Variants in HYDIN observed in about 807,000 individuals in gnomAD.
HYDIN encodes axonemal central pair apparatus protein HYDIN.
Under a neutral mutation model 403.9 loss-of-function variants are expected in HYDIN, and 132 were observed. The observed-to-expected ratio is 0.33, with a 90% confidence interval of 0.28 to 0.38. The LOEUF (loss-of-function observed/expected upper bound fraction) is 0.38, where lower values mean the gene tolerates loss of function less well. HYDIN is among the 10% of genes least tolerant of loss of function. The pLI is 1.00. For synonymous variants in HYDIN, 1,202 were observed against 1,891.7 expected, an observed-to-expected ratio of 0.64 and a Z score of 9.46; for missense variants, 2,827 against 5,009.5, an observed-to-expected ratio of 0.56 and a Z score of 13.15.
In HYDIN at chr16:70,837,676, C is replaced by G; in HGVS notation, c.13242+14G>C. 6.2e-7 allele frequency: 1 copy of G among 1,613,590 alleles called. No individual in the cohort carries two copies. The highest frequency in any genetic ancestry group is 8.5e-7 in the Non-Finnish European group (1 of 1,179,724). On this transcript the variant is annotated intron_variant, in intron 77 of 85. Transcript: ENST00000393567. ...GAGGGTGCCACGCCTGAAGGCCTCC[C>G]GACTGTCTGTTACCTTCATTTTGGT...
intron 79 of HYDIN, 87 bp from the exon 80 acceptor site, chr16:70,833,154 G>A (rs2037134625): frequency 4.1e-6 from 5 of 1,233,968 alleles, no homozygotes; most frequent in East Asian, 2.6e-5. Context: ...AGACTGCCTA[G>A]GCTGAGGTTC....
chr16:70,925,489 C>T (rs1393753577), intron 45 of HYDIN, among the ~76,000 whole-genome samples: 1 of 152,196 alleles, frequency 6.6e-6, no homozygotes, highest in African/African-American at 2.4e-5. Context: ...AAACGTTAGA[C>T]CCAAAACCAT....
intron 1 of HYDIN, among the ~76,000 whole-genome samples, chr16:71,200,907 A>G (rs775423891): frequency 1.3e-5 from 2 of 151,962 alleles, no homozygotes; most frequent in Non-Finnish European, 2.9e-5. Context: ...CATTAACCCA[A>G]TTGGTACACT....
chr16:70,861,447 G>C (rs1316050941), intron 69 of HYDIN, among the ~76,000 whole-genome samples: 1 of 152,104 alleles, frequency 6.6e-6, no homozygotes, highest in Non-Finnish European at 1.5e-5. Flanking sequence ...ACTCCTTCAA[G>C]TTTTCCTGGG....
intron 21 of HYDIN, among the ~76,000 whole-genome samples, chr16:71,024,389 G>A (rs2080612676): frequency 6.6e-6 from 1 of 151,930 alleles, no homozygotes; most frequent in South Asian, 2.1e-4. Context: ...CTCAACTTGA[G>A]GCACTTGCTC....
intron 38 of HYDIN, among the ~76,000 whole-genome samples, chr16:70,961,409 T>G (rs1486663476): frequency 6.6e-6 from 1 of 152,178 alleles, no homozygotes; most frequent in East Asian, 1.9e-4. Context: ...TGATTCCTAT[T>G]CTGGGGGTGG....
chr16:70,866,410 A>G lies in HYDIN; in HGVS notation c.11311-81T>C, dbSNP rs2143636621. The G allele has an allele frequency of 3.0e-6, 3 of 1,003,068 alleles. No homozygotes were observed. In the East Asian group the frequency reaches 7.3e-5, roughly 24 times the overall value. 62.1% of individuals were successfully genotyped at this position (1,003,068 alleles called of 1,614,324 possible). A position where few individuals can be genotyped will look rare whatever the true frequency, so the allele number is the denominator to read the frequency against. On this transcript the variant is annotated intron_variant, in intron 66 of 85. Transcript: ENST00000393567. Reference sequence around the variant, plus strand: ...GACAATGGAATAGAATAGAGAGACCAGAAACATTCTAGGCATATATAAAAT... The same window carrying G: ...GACAATGGAATAGAATAGAGAGACCGGAAACATTCTAGGCATATATAAAAT...
intron 7 of HYDIN, among the ~76,000 whole-genome samples, chr16:71,141,329 G>A (rs563320701): frequency 6.7e-6 from 1 of 150,122 alleles, no homozygotes; most frequent in East Asian, 1.9e-4. Context: ...TAAATGTCAA[G>A]TGAGTCAAAT....
At chr16:71,073,271 T>C (rs959484840) in intron 13 of HYDIN, among the ~76,000 whole-genome samples, 8 of 152,282 alleles carry the variant, frequency 5.3e-5, no homozygotes, top group Non-Finnish European at 1.2e-4. Context: ...TTGTTTCTTA[T>C]CTTAAGGTTA....
chr16:71,035,961 C>G (rs906377020), intron 18 of HYDIN, among the ~76,000 whole-genome samples: 8 of 150,238 alleles, frequency 5.3e-5, no homozygotes, highest in African/African-American at 1.7e-4. Flanking sequence ...AGAACTGAGT[C>G]AATGCAGCCT....
chr16:70,947,809 A>T lies in HYDIN; in HGVS notation c.6532-3860T>A, dbSNP rs1597389578. Among the ~76,000 whole-genome samples the T allele has an allele frequency of 5.3e-5, 8 of 152,220 alleles. 1 individual carries two copies. The highest frequency in any genetic ancestry group is 1.9e-4 in the African/African-American group (8 of 41,468). On this transcript the variant is annotated intron_variant, in intron 41 of 85. Transcript: ENST00000393567. ...TCACTGCTCAAGGAAATTAAAGAGGATACAAACAAATGGAAGAACATTCCA... is the reference window on the plus strand; with the variant it reads ...TCACTGCTCAAGGAAATTAAAGAGGTTACAAACAAATGGAAGAACATTCCA...
chr16:70,919,462 G>C (rs945402528), intron 46 of HYDIN, among the ~76,000 whole-genome samples: 2 of 151,956 alleles, frequency 1.3e-5, no homozygotes, highest in Admixed American at 1.3e-4. Flanking sequence ...CTGTGGCAAG[G>C]CTTCTACTGT....
rs539330957 is a variant in HYDIN at position 70,955,448 on chromosome 16, G to T, written c.6243C>A (p.Ile2081=). ...AGAGCTCACGGGCCCGGATCCCTGG[G>T]ATGTTGTTGCTGTTGGCCACAGCTT... ...VLEAVANSNN[I]PGIRARELCI... The change falls in exon 40 of 86, where the codon ATC becomes ATA. Residue 2081 remains isoleucine (I), a synonymous_variant. Coordinates refer to ENST00000393567, the MANE Select transcript of HYDIN (RefSeq NM_001270974.2). 2 of 1,614,100 alleles carry T rather than the reference G, an allele frequency of 1.2e-6. No homozygotes were observed. Among genetic ancestry groups the T allele is most frequent in the Admixed American group, 3.3e-5 (2 of 60,018 alleles).
intron 62 of HYDIN, among the ~76,000 whole-genome samples, 167 bp from the exon 63 acceptor site, chr16:70,875,086 C>G (rs2040368746): frequency 6.6e-6 from 1 of 151,842 alleles, no homozygotes; most frequent in Non-Finnish European, 1.5e-5. Flanking sequence ...AATATTAGAC[C>G]TGGAGAGGAC....
chr16:71,108,344 A>G (rs2083693055), intron 10 of HYDIN, among the ~76,000 whole-genome samples: 1 of 152,214 alleles, frequency 6.6e-6, no homozygotes, highest in Admixed American at 6.5e-5. Flanking sequence ...AAAAACAACA[A>G]CAAAAAAAGC....
In HYDIN at chr16:70,807,471, T is replaced by C. The variant is rs1353337267; in HGVS notation, c.*109A>G. On this transcript the variant is annotated 3_prime_UTR_variant, in exon 86 of 86. Transcript: ENST00000393567. ...TAGGGAAATAACTGCCCTATAATTG[T>C]ATGAGAAGAATAAAAACAGTTCCTT... 22 of 1,249,606 alleles carry C rather than the reference T, an allele frequency of 1.8e-5. No individual in the cohort carries two copies. The Admixed American group carries it at 3.5e-4, about 20-fold the overall frequency. 77.4% of individuals were successfully genotyped at this position (1,249,606 alleles called of 1,614,324 possible). A position where few individuals can be genotyped will look rare whatever the true frequency, so the allele number is the denominator to read the frequency against.
intron 4 of HYDIN, among the ~76,000 whole-genome samples, chr16:71,177,885 A>C (rs1401324346): frequency 6.6e-6 from 1 of 152,188 alleles, no homozygotes; most frequent in Non-Finnish European, 1.5e-5. Context: ...AATAAACCCT[A>C]ATTTATCTCT....
Position 70,806,939 on chromosome 16 carries a change from TG to T in HYDIN, c.*640del, listed in dbSNP as rs550771269. ...TCCAAGGCGGGGTGTGTATGTGTGGTGGGGGGAGCTGGGATCTCTATTAGCC... is the reference window on the plus strand; with the variant it reads ...TCCAAGGCGGGGTGTGTATGTGTGGTGGGGGAGCTGGGATCTCTATTAGCC... On this transcript the variant is annotated 3_prime_UTR_variant, in exon 86 of 86. Transcript: ENST00000393567. 2.0e-5 allele frequency among the ~76,000 whole-genome samples: 3 copies of T among 151,812 alleles called. No homozygotes were observed. The highest frequency in any genetic ancestry group is 4.8e-5 in the African/African-American group (2 of 41,318).
chr16:71,117,925 G>A (rs1057148550), intron 9 of HYDIN, among the ~76,000 whole-genome samples: 3 of 151,648 alleles, frequency 2.0e-5, no homozygotes, highest in Non-Finnish European at 4.4e-5. Flanking sequence ...AGGGCTTAAG[G>A]GGGAGCAGAG....
Sources: gnomAD v4.1 joint callset for allele counts (sites outside exome capture counted in the v4.1 genomes callset) on GRCh38, gnomAD v4.1.1 for gene constraint, MANE v1.5 for transcripts, NCBI Gene and HGNC (gene_info 2026-07-23, HGNC 2026-07-21) for gene names.